The following ST3GAL1 variants were observed in gnomAD, a reference collection of about 807,000 sequenced individuals.
ST3GAL1 encodes the protein CMP-N-acetylneuraminate-beta-galactosamide-alpha-2,3-sialyltransferase 1.
A neutral mutation model predicts 34.1 loss-of-function variants in ST3GAL1; 16 were observed. The observed-to-expected ratio is 0.47, with a 90% CI of 0.32 to 0.71. The LOEUF is 0.71. Ranked by LOEUF, ST3GAL1 falls within the 30% of genes least tolerant of loss-of-function variation. ST3GAL1 has a pLI of 0.04. For missense variants in ST3GAL1, 353 were observed against 447.4 expected (o/e 0.79, Z 1.90); for synonymous variants, 191 against 184.7 (o/e 1.03, Z -0.28).
chr8:133,467,250 C>T lies in ST3GAL1; in HGVS notation c.307-1160G>A, dbSNP rs1815776285. Among the ~76,000 whole-genome samples, 1 of 152,198 alleles carries T rather than the reference C, an allele frequency of 6.6e-6. No homozygotes were observed. Among genetic ancestry groups the T allele is most frequent in the African/African-American group, 2.4e-5 (1 of 41,442 alleles). ...TGCTAAAACCAGGATGAGTTGGTAT[C>T]CCTATTGGCCCCCGGTGGTTTCACT... On this transcript the variant is annotated intron_variant, in intron 5 of 9. Transcript: ENST00000522652. This position sits in a 1 kb window ranked among gnomAD's most constrained non-coding sequence, Gnocchi z 4.2.
At chr8:133,546,433 A>C (rs1818672217) in intron 1 of ST3GAL1, among the ~76,000 whole-genome samples, 1 of 150,218 alleles carries the variant, frequency 6.7e-6, no homozygotes, top group South Asian at 2.1e-4. Flanking sequence ...CAGTGAGCCC[A>C]GATCGTGCCA....
intron 8 of ST3GAL1, among the ~76,000 whole-genome samples, chr8:133,462,552 C>A (rs977426042): frequency 6.6e-6 from 1 of 152,186 alleles, no homozygotes; most frequent in Non-Finnish European, 1.5e-5. Context: ...CGATATCAGG[C>A]CTGGCCTTGA....
chr8:133,503,281 C>T (rs1318652946), intron 2 of ST3GAL1, among the ~76,000 whole-genome samples: 1 of 152,204 alleles, frequency 6.6e-6, no homozygotes, highest in African/African-American at 2.4e-5. Flanking sequence ...AGTAGATAGT[C>T]AGGAGAGCCG....
At chr8:133,530,530 G>A (rs957252366) in intron 2 of ST3GAL1, among the ~76,000 whole-genome samples, 1 of 152,052 alleles carries the variant, frequency 6.6e-6, no homozygotes, top group Non-Finnish European at 1.5e-5. Context: ...TGATCCACTC[G>A]CCTCGGCCTC....
At chr8:133,528,049 C>T (rs532212786) in intron 2 of ST3GAL1, among the ~76,000 whole-genome samples, 2 of 152,038 alleles carry the variant, frequency 1.3e-5, no homozygotes, top group South Asian at 4.2e-4. Flanking sequence ...GTGGCGCACA[C>T]CTGTAGTAGC....
rs1815751559 is a variant in ST3GAL1, at chr8:133,466,837, AC to A, written c.307-748del. Among the ~76,000 whole-genome samples the A allele has an allele frequency of 1.3e-5, 2 of 152,286 alleles. No individual in the cohort carries two copies. The highest frequency in any genetic ancestry group is 4.1e-4 in the South Asian group (2 of 4,828). ...GCCTGGGCCAGGTGCGGTGGCTCAC[AC>A]CTGTAATCCCAGCACTTTGGGAGAC... On this transcript the variant is annotated intron_variant, in intron 5 of 9. Coordinates refer to ENST00000522652, the MANE Select transcript of ST3GAL1 (RefSeq NM_173344.3). This position sits in a 1 kb window ranked among gnomAD's most constrained non-coding sequence, Gnocchi z 4.4.
chr8:133,530,959 G>A (rs74679662), intron 2 of ST3GAL1, among the ~76,000 whole-genome samples: 8,781 of 152,112 alleles, frequency 0.058, 623 homozygotes, highest in African/African-American at 0.18. Flanking sequence ...CCGGAGCTCC[G>A]GTGACACAAA....
At chr8:133,543,599 T>G (rs1818594635) in intron 2 of ST3GAL1, among the ~76,000 whole-genome samples, 1 of 151,976 alleles carries the variant, frequency 6.6e-6, no homozygotes. Context: ...AATAAAATAA[T>G]TGAAAAAAAT....
intron 5 of ST3GAL1, among the ~76,000 whole-genome samples, chr8:133,474,431 G>A (rs1301688306): frequency 6.6e-6 from 1 of 152,152 alleles, no homozygotes; most frequent in East Asian, 1.9e-4. Flanking sequence ...CATATATCTT[G>A]CTCTTCTTCG....
intron 2 of ST3GAL1, among the ~76,000 whole-genome samples, chr8:133,525,323 G>A (rs1817935253): frequency 6.6e-6 from 1 of 152,228 alleles, no homozygotes; most frequent in South Asian, 2.1e-4. Flanking sequence ...CCTGCAGCTG[G>A]TAGTCCTGAC....
rs1458522005 is a variant in ST3GAL1, at chr8:133,458,735, T to C, written c.*1029A>G. ...TCATTTCAGCCAATGCATGCTTTTC[T>C]TTCCCAAATACAAAGGCACATGGAA... is the stretch of plus-strand genomic sequence containing the variant. On this transcript the variant is annotated 3_prime_UTR_variant, in exon 10 of 10. Transcript: ENST00000522652. 1 of 152,186 alleles carries C rather than the reference T, an allele frequency of 6.6e-6. No individual in the cohort carries two copies. The highest frequency in any genetic ancestry group is 1.5e-5 in the Non-Finnish European group (1 of 68,056). The allele number at this position is 152,186 out of a possible 1,614,324, so 9.4% of individuals were successfully genotyped here.
At chr8:133,510,448 A>G (rs942095939) in intron 2 of ST3GAL1, among the ~76,000 whole-genome samples, 3 of 152,202 alleles carry the variant, frequency 2.0e-5, no homozygotes, top group Admixed American at 2.0e-4. Flanking sequence ...GATAGTCTGC[A>G]CCTATCTGAA....
chr8:133,456,449 G>C lies in ST3GAL1; in HGVS notation c.*3315C>G, dbSNP rs1041685002. On this transcript the variant is annotated 3_prime_UTR_variant, in exon 10 of 10. Transcript: ENST00000522652. ...AGGAACTCTGTCTGCAGAGTAGAAA[G>C]AGCTGTGGGCTGGGAATCAGGGGCC... 1 of 152,292 alleles carries C rather than the reference G, an allele frequency of 6.6e-6. No homozygotes were observed. The highest frequency in any genetic ancestry group is 1.5e-5 in the Non-Finnish European group (1 of 68,088). 9.4% of individuals were successfully genotyped at this position (152,292 alleles called of 1,614,324 possible).
chr8:133,489,523 T>C (rs11779894), intron 3 of ST3GAL1: 48,335 of 152,288 alleles, frequency 0.32, 7,992 homozygotes, highest in Admixed American at 0.36. Context: ...CTCCAACTGC[T>C]GCTGGGGCAC....
At chr8:133,566,307 T>TA (rs1800290988) in intron 1 of ST3GAL1, among the ~76,000 whole-genome samples, 1 of 152,196 alleles carries the variant, frequency 6.6e-6, no homozygotes, top group Admixed American at 6.5e-5. Context: ...CATTTTACCT[T>TA]AAAATCAGCC....
chr8:133,539,449 C>G (rs1422928250), intron 2 of ST3GAL1, among the ~76,000 whole-genome samples: 1 of 152,214 alleles, frequency 6.6e-6, no homozygotes, highest in Non-Finnish European at 1.5e-5. Context: ...CTGCACCCCA[C>G]TTATCTAGGG....
At chr8:133,521,863 G>T (rs1031350256) in intron 2 of ST3GAL1, among the ~76,000 whole-genome samples, 1 of 152,166 alleles carries the variant, frequency 6.6e-6, no homozygotes, top group African/African-American at 2.4e-5. Flanking sequence ...TGCCGTGAAA[G>T]AAAACAGTAT....
intron 2 of ST3GAL1, among the ~76,000 whole-genome samples, chr8:133,511,457 G>A (rs1241427630): frequency 6.6e-6 from 1 of 152,202 alleles, no homozygotes; most frequent in Non-Finnish European, 1.5e-5. Flanking sequence ...GACACTTGAT[G>A]TGGATTAAGC....
chr8:133,568,898 C>T lies in ST3GAL1; in HGVS notation c.-582+2795G>A, dbSNP rs185976857. ...TTCCTGTCAAGCTCACAGACGACTT[C>T]ATCCCCATAAGAAGGGCTTCCAGAT... On this transcript the variant is annotated intron_variant, in intron 1 of 9. Coordinates refer to ENST00000522652, the MANE Select transcript of ST3GAL1 (RefSeq NM_173344.3). Among the ~76,000 whole-genome samples, 51 of 152,310 alleles carry T rather than the reference C, an allele frequency of 3.3e-4. 1 individual carries two copies. Among genetic ancestry groups the T allele is most frequent in the Middle Eastern group, 6.8e-3 (2 of 294 alleles).
Sources: allele counts gnomAD v4.1 joint callset (sites outside exome capture counted in the v4.1 genomes callset), GRCh38; gene constraint gnomAD v4.1.1; non-coding constraint Gnocchi (gnomAD v3.1); transcripts MANE v1.5; gene names NCBI Gene and HGNC (gene_info 2026-07-23, HGNC 2026-07-21).